The following EEA1 variants were observed in gnomAD, a reference collection of about 807,000 sequenced individuals.
The protein encoded by EEA1 is early endosome antigen 1.
A neutral mutation model predicts 209.2 loss-of-function variants in EEA1; 111 were observed. The observed-to-expected ratio is 0.53, with a 90% CI of 0.45 to 0.62. EEA1 has a LOEUF of 0.62. EEA1 is among the 20% of genes least tolerant of loss of function. EEA1 has a pLI of 0.00. For missense variants in EEA1, 1,343 were observed against 1,530.8 expected, an observed-to-expected ratio of 0.88 and a Z score of 2.05; for synonymous variants, 536 against 540.6, an observed-to-expected ratio of 0.99 and a Z score of 0.12.
At chr12:92,921,398 ACCAT>A (rs1464436552) in intron 1 of EEA1, among the ~76,000 whole-genome samples, 1 of 100,700 alleles carries the variant, frequency 9.9e-6, no homozygotes, top group East Asian at 2.1e-4. Flanking sequence ...GCACATATAC[ACCAT>A]GGAATACTAT....
chr12:92,825,767 A>G (rs1457432595), intron 13 of EEA1, among the ~76,000 whole-genome samples: 1 of 151,460 alleles, frequency 6.6e-6, no homozygotes, highest in Non-Finnish European at 1.5e-5. Flanking sequence ...TTCATTTTCC[A>G]AATACTGTAT....
chr12:92,823,520 C>T (rs1349657054), intron 13 of EEA1, among the ~76,000 whole-genome samples: 1 of 152,198 alleles, frequency 6.6e-6, no homozygotes, highest in Non-Finnish European at 1.5e-5. Flanking sequence ...TTTTCCATGG[C>T]TGCTCCTTTC....
chr12:92,823,453 T>C (rs1030463050), intron 13 of EEA1, among the ~76,000 whole-genome samples: 1 of 152,196 alleles, frequency 6.6e-6, no homozygotes, highest in Admixed American at 6.5e-5. Context: ...TACCACCATC[T>C]TTGCACCCCA....
rs1322899202 is a variant in EEA1, at chr12:92,929,270, C to T, written c.-204G>A. 4.5e-6 allele frequency: 2 copies of T among 445,292 alleles called. No homozygotes were observed. Among genetic ancestry groups the T allele is most frequent in the Non-Finnish European group, 7.9e-6 (2 of 253,050 alleles). The allele number at this position is 445,292 out of a possible 1,614,324, so 27.6% of individuals were successfully genotyped here. On this transcript the variant is annotated 5_prime_UTR_variant, in exon 1 of 29. Coordinates refer to ENST00000322349, the MANE Select transcript of EEA1 (RefSeq NM_003566.4). ...GAGCACGCGAGAGAGAGCGAGCGAACGACTAGGCAGCCTGCGAGCGCCTCC... is the reference window on the plus strand; with the variant it reads ...GAGCACGCGAGAGAGAGCGAGCGAATGACTAGGCAGCCTGCGAGCGCCTCC...
intron 3 of EEA1, 150 bp from the exon 4 acceptor site, chr12:92,857,635 T>C (rs1366827786): frequency 2.2e-6 from 1 of 461,984 alleles, no homozygotes; most frequent in Non-Finnish European, 3.7e-6. Flanking sequence ...TAATAGCATA[T>C]ATATAAATCC....
intron 1 of EEA1, among the ~76,000 whole-genome samples, chr12:92,898,430 G>T (rs1879985159): frequency 6.6e-6 from 1 of 152,150 alleles, no homozygotes; most frequent in Non-Finnish European, 1.5e-5. Context: ...TTGGGAGGCT[G>T]AGGTGGGTGG....
chr12:92,857,330 C>A lies in EEA1; in HGVS notation c.311G>T (p.Trp104Leu). Reference sequence around the variant, plus strand: ...TTCCTTCTTTAATTCTTCCGAGTACCATTTTTCTTCCTAATAAAAAAGATT... The same window carrying A: ...TTCCTTCTTTAATTCTTCCGAGTACAATTTTTCTTCCTAATAAAAAAGATT... ...DLQASLKEEK[W>L]YSEELKKELE... The change falls in exon 5 of 29, where the codon TGG (tryptophan) becomes TTG (leucine). Residue 104 changes from tryptophan (W) to leucine (L), a missense_variant. Physicochemically the swap from Trp to Leu is moderately conservative, Grantham distance 61. This residue lies in a region of EEA1 where 1,307 missense variants were observed against 1,465.5 expected (regional missense o/e 0.89). Transcript: ENST00000322349. 3.8e-6 allele frequency: 6 copies of A among 1,589,132 alleles called. No homozygotes were observed. The highest frequency in any genetic ancestry group is 5.1e-6 in the Non-Finnish European group (6 of 1,171,060).
Position 92,802,692 on chromosome 12 carries a change from G to A in EEA1, c.2382C>T (p.Ala794=), listed in dbSNP as rs1015484780. ...TRLDLQKKSE[A]LESIKQKLTK... ...TAAGCTTTTGCTTGATACTTTCAAG[G>A]GCTTCAGATTTTTTCTGTAGATCCA... Residue 794 remains alanine, a synonymous_variant, in exon 19 of 29, where the codon GCC becomes GCT. Transcript: ENST00000322349. The A allele has an allele frequency of 1.9e-5, 31 of 1,598,278 alleles. No individual in the cohort carries two copies. The highest frequency in any genetic ancestry group is 8.9e-5 in the Admixed American group (5 of 55,988).
At chr12:92,795,744 C>T (rs184671116) in intron 21 of EEA1, among the ~76,000 whole-genome samples, 41 of 152,322 alleles carry the variant, frequency 2.7e-4, no homozygotes, top group African/African-American at 9.9e-4. Context: ...TAGAGTTCTT[C>T]TTCCAATTCA....
intron 14 of EEA1, among the ~76,000 whole-genome samples, chr12:92,817,859 C>T (rs1404651097): frequency 6.6e-6 from 1 of 152,102 alleles, no homozygotes; most frequent in Non-Finnish European, 1.5e-5. Flanking sequence ...AGCTTTTACT[C>T]TAGGGTTAGT....
chr12:92,840,347 C>T (rs538825620), intron 10 of EEA1, among the ~76,000 whole-genome samples: 8 of 152,332 alleles, frequency 5.3e-5, no homozygotes, highest in Non-Finnish European at 1.0e-4. Context: ...GAATCTCACT[C>T]TGTGGCCCAG....
chr12:92,847,221 C>T (rs947964548), intron 9 of EEA1, among the ~76,000 whole-genome samples: 1 of 152,156 alleles, frequency 6.6e-6, no homozygotes, highest in East Asian at 1.9e-4. Flanking sequence ...TCCCAACGTG[C>T]TGGGATTACA....
intron 11 of EEA1, among the ~76,000 whole-genome samples, chr12:92,829,096 G>A (rs1167107568): frequency 6.6e-6 from 1 of 152,156 alleles, no homozygotes; most frequent in African/African-American, 2.4e-5. Flanking sequence ...GGTAGGTACT[G>A]TCTCTTACTC....
chr12:92,797,440 T>C (rs1874704919), intron 21 of EEA1, among the ~76,000 whole-genome samples: 1 of 152,094 alleles, frequency 6.6e-6, no homozygotes, highest in Admixed American at 6.6e-5. Context: ...GCTTTTCTTC[T>C]CCCAAATATT....
At chr12:92,846,022 A>T (rs1877376339) in intron 9 of EEA1, among the ~76,000 whole-genome samples, 1 of 152,216 alleles carries the variant, frequency 6.6e-6, no homozygotes, top group African/African-American at 2.4e-5. Flanking sequence ...AAATAAGGAA[A>T]GATATTTCAA....
chr12:92,801,799 C>A, intron 19 of EEA1, 98 bp from the exon 20 acceptor site: 1 of 750,576 alleles, frequency 1.3e-6, no homozygotes, highest in South Asian at 3.0e-5. Context: ...AAGAAATAAA[C>A]TAAAATTATG....
At chr12:92,908,702 G>C (rs1250198208) in intron 1 of EEA1, among the ~76,000 whole-genome samples, 1 of 151,892 alleles carries the variant, frequency 6.6e-6, no homozygotes, top group African/African-American at 2.4e-5. Context: ...GTATATTTTA[G>C]CAAAAAACAT....
At chr12:92,778,965 G>A (rs1242873055) in intron 25 of EEA1, 150 bp downstream of exon 25, 4 of 575,980 alleles carry the variant, frequency 6.9e-6, no homozygotes, top group Admixed American at 3.4e-5. Context: ...CCACATGTCA[G>A]CTATGTAAAT....
intron 3 of EEA1, among the ~76,000 whole-genome samples, chr12:92,863,351 A>G (rs952550329): frequency 2.6e-5 from 4 of 152,240 alleles, no homozygotes; most frequent in South Asian, 2.1e-4. Flanking sequence ...AATCAAGCCT[A>G]AAGAAGATTG....
Sources: allele counts gnomAD v4.1 joint callset (sites outside exome capture counted in the v4.1 genomes callset), GRCh38; gene constraint gnomAD v4.1.1; regional missense constraint gnomAD v4.1.1; transcripts MANE v1.5; gene names NCBI Gene and HGNC (gene_info 2026-07-23, HGNC 2026-07-21).